The following ARMC9 variants were observed in gnomAD, a reference collection of about 807,000 sequenced individuals.
ARMC9 encodes the protein armadillo repeat containing 9.
Under a neutral mutation model 107.0 loss-of-function variants are expected in ARMC9, and 94 were observed. That is an observed-to-expected ratio of 0.88 (90% confidence interval 0.74 to 1.04). The LOEUF is 1.04. Among genes scored for constraint, ARMC9 ranks in the 50% least tolerant of loss-of-function variants. The pLI is 0.00. For missense variants in ARMC9, 942 were observed against 1,030.1 expected (o/e 0.91, Z 1.17); for synonymous variants, 380 against 396.9 (o/e 0.96, Z 0.51).
chr2:231,266,868 GA>G (rs1210313896), intron 12 of ARMC9, among the ~76,000 whole-genome samples: 1 of 152,240 alleles, frequency 6.6e-6, no homozygotes, highest in Non-Finnish European at 1.5e-5. Flanking sequence ...AGCTACTGTG[GA>G]TAGTGCTGCT....
chr2:231,292,526 AC>A (rs2041087260), intron 18 of ARMC9, among the ~76,000 whole-genome samples: 1 of 152,190 alleles, frequency 6.6e-6, no homozygotes, highest in Non-Finnish European at 1.5e-5. Context: ...CTCCTCCATT[AC>A]CATAACAACC....
At chr2:231,199,761 T>G (rs2125293795) in intron 1 of ARMC9, among the ~76,000 whole-genome samples, 1 of 152,258 alleles carries the variant, frequency 6.6e-6, no homozygotes, top group South Asian at 2.1e-4. Context: ...AGTGGCATGA[T>G]CTCGGCTCAC....
intron 6 of ARMC9, 78 bp from the exon 7 acceptor site, chr2:231,226,696 A>G: frequency 1.3e-6 from 2 of 1,513,456 alleles, no homozygotes; most frequent in Non-Finnish European, 1.8e-6. Context: ...GTGCTTTCTC[A>G]CATTGGCCAC....
intron 17 of ARMC9, among the ~76,000 whole-genome samples, chr2:231,290,929 G>C (rs1163387105): frequency 1.4e-5 from 2 of 140,700 alleles, no homozygotes; most frequent in Admixed American, 7.4e-5. Context: ...AGGCAATATT[G>C]TGCAGTAAAA....
intron 7 of ARMC9, among the ~76,000 whole-genome samples, chr2:231,228,781 G>C (rs1383138473): frequency 6.6e-6 from 1 of 152,084 alleles, no homozygotes; most frequent in Non-Finnish European, 1.5e-5. Flanking sequence ...GAATCTGCCA[G>C]GTCGCTGTTC....
At chr2:231,263,781 TCTTG>T (rs1223572400) in intron 12 of ARMC9, among the ~76,000 whole-genome samples, 8 of 152,264 alleles carry the variant, frequency 5.3e-5, no homozygotes, top group African/African-American at 1.9e-4. Context: ...TGACTTATTT[TCTTG>T]CTTTTTTTTC....
chr2:231,237,798 T>A (rs1483422305), intron 8 of ARMC9, among the ~76,000 whole-genome samples: 47 of 123,376 alleles, frequency 3.8e-4, no homozygotes, highest in African/African-American at 1.0e-3. Context: ...TTTTTTTTTT[T>A]TTTTTTTTTT....
At position 231,282,136 on chromosome 2, in the gene ARMC9, A is replaced by G; in HGVS notation, c.1626+3A>G. 6.2e-7 allele frequency: 1 copy of G among 1,614,016 alleles called. No homozygotes were observed. Among genetic ancestry groups the G allele is most frequent in the Non-Finnish European group, 8.5e-7 (1 of 1,179,882 alleles). ...TTCGTGAGGAAGCAAGAGCAATGGT[A>G]AGAAAGCGTGCCTGAGAAACATGTG... On this transcript the variant is annotated splice_donor_region_variant and intron_variant, in intron 17 of 24. Coordinates refer to ENST00000611582, the MANE Select transcript of ARMC9 (RefSeq NM_001352754.2).
intron 15 of ARMC9, among the ~76,000 whole-genome samples, chr2:231,277,545 A>ACG (rs1553612906): frequency 6.7e-6 from 1 of 149,476 alleles, no homozygotes; most frequent in Non-Finnish European, 1.5e-5. Flanking sequence ...AAAAAATAGC[A>ACG]TGCAAAAAGT....
chr2:231,230,351 C>T (rs1291717606), intron 7 of ARMC9, among the ~76,000 whole-genome samples: 1 of 150,410 alleles, frequency 6.6e-6, no homozygotes, highest in African/African-American at 2.4e-5. Flanking sequence ...CAGACTCCGT[C>T]TCAAAAAAAA....
chr2:231,250,880 C>A (rs1168121335), intron 9 of ARMC9, among the ~76,000 whole-genome samples: 1 of 152,124 alleles, frequency 6.6e-6, no homozygotes, highest in Non-Finnish European at 1.5e-5. Flanking sequence ...GTTGCTCAGT[C>A]CCTGTGTTTG....
intron 14 of ARMC9, among the ~76,000 whole-genome samples, chr2:231,274,158 C>A (rs1305084519): frequency 6.6e-6 from 1 of 152,140 alleles, no homozygotes; most frequent in Non-Finnish European, 1.5e-5. Flanking sequence ...CACTCTGTCA[C>A]CCAGACTGGA....
chr2:231,228,435 G>T (rs902247492), intron 7 of ARMC9, among the ~76,000 whole-genome samples: 13 of 152,186 alleles, frequency 8.5e-5, no homozygotes, highest in African/African-American at 3.1e-4. Flanking sequence ...CTGTCACGTG[G>T]GGTCTCAGCA....
chr2:231,223,834 T>G (rs1050667573), intron 6 of ARMC9, among the ~76,000 whole-genome samples: 1 of 152,216 alleles, frequency 6.6e-6, no homozygotes, highest in Non-Finnish European at 1.5e-5. Flanking sequence ...TTTGTTTAAA[T>G]TCTTCTGTTT....
chr2:231,245,577 G>A (rs185349305), intron 9 of ARMC9, among the ~76,000 whole-genome samples: 290 of 152,310 alleles, frequency 1.9e-3, no homozygotes, highest in Non-Finnish European at 3.4e-3. Context: ...TTCGCTCAGC[G>A]CATCCTGCCC....
intron 12 of ARMC9, among the ~76,000 whole-genome samples, chr2:231,267,523 A>C (rs1170394386): frequency 6.6e-6 from 1 of 152,168 alleles, no homozygotes; most frequent in Non-Finnish European, 1.5e-5. Flanking sequence ...GAACCACTGC[A>C]CCCGGCCCGG....
intron 21 of ARMC9, among the ~76,000 whole-genome samples, chr2:231,350,656 A>G (rs73994582): frequency 0.078 from 11,842 of 151,092 alleles, 1,403 homozygotes; most frequent in African/African-American, 0.26. Context: ...AAGAAACTTC[A>G]TATGTTCAAG....
At chr2:231,266,966 A>G (rs558619876) in intron 12 of ARMC9, among the ~76,000 whole-genome samples, 3 of 152,342 alleles carry the variant, frequency 2.0e-5, no homozygotes, top group African/African-American at 7.2e-5. Flanking sequence ...TATCCCGCAT[A>G]ATACAGTGTT....
intron 19 of ARMC9, among the ~76,000 whole-genome samples, chr2:231,328,103 G>A (rs2043456327): frequency 6.6e-6 from 1 of 152,116 alleles, no homozygotes; most frequent in Non-Finnish European, 1.5e-5. Flanking sequence ...CATTCTAATA[G>A]GCATGTAGTG....
Sources: allele counts gnomAD v4.1 joint callset (sites outside exome capture counted in the v4.1 genomes callset), GRCh38; gene constraint gnomAD v4.1.1; transcripts MANE v1.5; gene names NCBI Gene and HGNC (gene_info 2026-07-23, HGNC 2026-07-21).